The following ZNF365 variants were observed in gnomAD, a reference collection of about 807,000 sequenced individuals.
ZNF365 encodes the protein protein ZNF365.
In ZNF365, 22 loss-of-function variants were observed where a neutral mutation model predicts 35.0. That is an observed-to-expected ratio of 0.63 (90% CI 0.45 to 0.90). The LOEUF (loss-of-function observed/expected upper bound fraction) is 0.90, where lower values mean the gene tolerates loss of function less well. Among genes scored for constraint, ZNF365 ranks in the 40% least tolerant of loss-of-function variants. ZNF365 has a pLI of 0.00. For missense variants in ZNF365, 448 were observed against 500.3 expected, an observed-to-expected ratio of 0.90 and a Z score of 1.00; for synonymous variants, 188 against 196.2, an observed-to-expected ratio of 0.96 and a Z score of 0.35.
In ZNF365 at chr10:62,468,279, A is replaced by G. The variant is rs73282636; in HGVS notation, c.981+8482A>G. The stretch of plus-strand genomic sequence containing the variant: ...TATGTTTCTATACTTCCATAAATAT[A>G]CATGTGTGAGAACTTATATATGTAT... On this transcript the variant is annotated intron_variant, in intron 4 of 4. Transcript: ENST00000395255. Among the ~76,000 whole-genome samples, 1,139 of 152,324 alleles carry G rather than the reference A, an allele frequency of 7.5e-3. 21 individuals are homozygous for G. The highest frequency in any genetic ancestry group is 0.026 in the African/African-American group (1,060 of 41,568).
intron 3 of ZNF365, among the ~76,000 whole-genome samples, chr10:62,414,955 TTC>T (rs1316194701): frequency 1.3e-5 from 2 of 152,210 alleles, no homozygotes; most frequent in Non-Finnish European, 1.5e-5. Context: ...TAATCCTGTC[TTC>T]TGTGTCTAAT....
chr10:62,422,679 A>C (rs1840189824), intron 3 of ZNF365, among the ~76,000 whole-genome samples: 2 of 152,120 alleles, frequency 1.3e-5, no homozygotes, highest in South Asian at 4.1e-4. Flanking sequence ...TCAGTTTGGA[A>C]ATAGTTCTTA....
At chr10:62,377,891 T>A (rs1442701601) in intron 2 of ZNF365, among the ~76,000 whole-genome samples, 2 of 152,232 alleles carry the variant, frequency 1.3e-5, no homozygotes, top group Non-Finnish European at 2.9e-5. Context: ...TGATTTAATT[T>A]CATCTTTTCT....
At chr10:62,416,516 G>GA (rs960665379) in intron 3 of ZNF365, among the ~76,000 whole-genome samples, 2 of 152,108 alleles carry the variant, frequency 1.3e-5, no homozygotes, top group South Asian at 4.1e-4. Flanking sequence ...CAGAAAATGA[G>GA]AAAAAAATGG....
chr10:62,424,041 G>T (rs926331002), intron 3 of ZNF365, among the ~76,000 whole-genome samples: 1 of 152,138 alleles, frequency 6.6e-6, no homozygotes. Context: ...AAAAAAATTA[G>T]ACCTTATTAG....
chr10:62,416,495 T>C (rs1421970331), intron 3 of ZNF365, among the ~76,000 whole-genome samples: 1 of 152,142 alleles, frequency 6.6e-6, no homozygotes, highest in Non-Finnish European at 1.5e-5. Flanking sequence ...ATTTTTCGAA[T>C]GTCTTGATGA....
At chr10:62,405,908 T>G (rs1042491975), downstream of ZNF365, among the ~76,000 whole-genome samples, 5 of 152,204 alleles carry the variant, frequency 3.3e-5, no homozygotes, top group Admixed American at 2.0e-4. Context: ...TTCTCAGGAA[T>G]GTACTTTATT....
intron 3 of ZNF365, among the ~76,000 whole-genome samples, chr10:62,438,649 C>T (rs74158906): frequency 0.14 from 21,912 of 152,192 alleles, 1,685 homozygotes; most frequent in African/African-American, 0.18. Flanking sequence ...TAGATCAAGT[C>T]ACTCCCTTAT....
intron 3 of ZNF365, among the ~76,000 whole-genome samples, chr10:62,411,380 A>G (rs1038322988): frequency 6.6e-6 from 1 of 152,136 alleles, no homozygotes; most frequent in African/African-American, 2.4e-5. Context: ...GGTATTGCCT[A>G]GATTTTCTCC....
intron 1 of ZNF365, chr10:62,375,660 C>A (rs1424882146): frequency 6.2e-6 from 1 of 160,232 alleles, no homozygotes; most frequent in Non-Finnish European, 1.4e-5. Flanking sequence ...TTCATATGTT[C>A]TTGTGTTCAC....
At chr10:62,409,648 A>G (rs1839956769) in intron 3 of ZNF365, among the ~76,000 whole-genome samples, 1 of 152,116 alleles carries the variant, frequency 6.6e-6, no homozygotes, top group African/African-American at 2.4e-5. Flanking sequence ...AGTACTACAT[A>G]TGCCTAATAG....
intron 3 of ZNF365, among the ~76,000 whole-genome samples, chr10:62,439,046 A>G (rs1245959048): frequency 6.6e-6 from 1 of 152,200 alleles, no homozygotes; most frequent in Non-Finnish European, 1.5e-5. Flanking sequence ...AAATAAAATT[A>G]TTCTAATGGT....
intron 3 of ZNF365, among the ~76,000 whole-genome samples, chr10:62,446,669 T>G (rs1443478520): frequency 6.6e-6 from 1 of 152,162 alleles, no homozygotes; most frequent in Admixed American, 6.5e-5. Context: ...TGAATGGCTA[T>G]AAAATTTTGG....
chr10:62,449,980 A>G (rs1477586847), intron 3 of ZNF365, among the ~76,000 whole-genome samples: 1 of 152,184 alleles, frequency 6.6e-6, no homozygotes, highest in Non-Finnish European at 1.5e-5. Flanking sequence ...GTAAGCACAG[A>G]AAAGAGTGTA....
At chr10:62,435,190 C>T (rs1309739718) in intron 3 of ZNF365, among the ~76,000 whole-genome samples, 1 of 152,160 alleles carries the variant, frequency 6.6e-6, no homozygotes, top group Non-Finnish European at 1.5e-5. Flanking sequence ...ACTATTTAGA[C>T]ATGATCTTCT....
chr10:62,427,126 TTAA>T (rs1840262459), intron 3 of ZNF365, among the ~76,000 whole-genome samples: 1 of 152,206 alleles, frequency 6.6e-6, no homozygotes, highest in African/African-American at 2.4e-5. Context: ...GTGGTGATGG[TTAA>T]TAAATGACTA....
intron 3 of ZNF365, among the ~76,000 whole-genome samples, chr10:62,437,963 T>G (rs959426710): frequency 3.9e-5 from 6 of 152,176 alleles, no homozygotes; most frequent in African/African-American, 1.4e-4. Flanking sequence ...CATTCTTCTG[T>G]CGTGATGCAT....
intron 4 of ZNF365, among the ~76,000 whole-genome samples, chr10:62,461,168 G>T (rs1033760555): frequency 1.3e-5 from 2 of 152,122 alleles, no homozygotes; most frequent in Non-Finnish European, 2.9e-5. Context: ...AAATATGAGC[G>T]AGCAGGCCTT....
intron 3 of ZNF365, among the ~76,000 whole-genome samples, chr10:62,431,872 T>A (rs1185574885): frequency 1.3e-5 from 2 of 151,596 alleles, no homozygotes; most frequent in Admixed American, 6.6e-5. Flanking sequence ...TTTTTTTTTT[T>A]AAAGTACCCA....
Sources: gnomAD v4.1 joint callset for allele counts (sites outside exome capture counted in the v4.1 genomes callset) on GRCh38, gnomAD v4.1.1 for gene constraint, MANE v1.5 for transcripts, NCBI Gene and HGNC (gene_info 2026-07-23, HGNC 2026-07-21) for gene names.